The following KIF4A variants were observed in gnomAD, a reference collection of about 807,000 sequenced individuals.
The protein encoded by KIF4A is chromosome-associated kinesin KIF4A.
Under a neutral mutation model 105.9 loss-of-function variants are expected in KIF4A, and 7 were observed. The ratio of observed to expected loss-of-function variants is 0.07; its 90% CI spans 0.04 to 0.12. The LOEUF (loss-of-function observed/expected upper bound fraction) is 0.12. Among genes scored for constraint, KIF4A ranks in the 10% least tolerant of loss-of-function variants. KIF4A has a pLI of 1.00. For missense variants in KIF4A, 558 were observed against 929.2 expected, an observed-to-expected ratio of 0.60 and a Z score of 5.19; for synonymous variants, 281 against 331.3, an observed-to-expected ratio of 0.85 and a Z score of 1.65.
intron 15 of KIF4A, 109 bp from the exon 16 acceptor site, chrX:70,374,039 AGTT>A (rs2086165094): frequency 2.7e-6 from 1 of 376,368 alleles, no homozygotes; most frequent in Non-Finnish European, 4.6e-6. Context: ...TTCAGCGTGC[AGTT>A]GAAGTGGTAA....
chrX:70,332,514 G>A (rs757014600), intron 9 of KIF4A, among the ~76,000 whole-genome samples: 2 of 111,331 alleles, frequency 1.8e-5, no homozygotes, highest in Non-Finnish European at 3.8e-5. Flanking sequence ...GCGAGCGAAA[G>A]GAAATGGAGG....
At chrX:70,319,687 A>G (rs374639808) in intron 7 of KIF4A, among the ~76,000 whole-genome samples, 2 of 112,699 alleles carry the variant, frequency 1.8e-5, no homozygotes, top group East Asian at 5.5e-4. Flanking sequence ...ATTGAAGTAT[A>G]ATGTGGAAAT....
At chrX:70,334,641 A>T (rs1430817777) in intron 10 of KIF4A, among the ~76,000 whole-genome samples, 1 of 112,511 alleles carries the variant, frequency 8.9e-6, no homozygotes, top group Non-Finnish European at 1.9e-5. Flanking sequence ...AGAGTATCTA[A>T]GCAAGATAAT....
chrX:70,392,067 A>T (rs1463144960), intron 20 of KIF4A, among the ~76,000 whole-genome samples: 1 of 111,889 alleles, frequency 8.9e-6, no homozygotes, highest in Non-Finnish European at 1.9e-5. Flanking sequence ...GTAATACATA[A>T]AAAAACTTGT....
Position 70,317,354 on chromosome X carries a change from A to G in KIF4A, c.779-12051A>G, listed in dbSNP as rs768964128. Among the ~76,000 whole-genome samples the G allele has an allele frequency of 2.7e-5, 3 of 111,305 alleles. No homozygotes were observed. The South Asian group carries it at 1.1e-3, about 42-fold the overall frequency. On this transcript the variant is annotated intron_variant, in intron 7 of 30. Transcript: ENST00000374403. ...CTTTGGTGAGACATAGCATACATACAGAACATTGCATAAGTTATGTCATGT... is the reference window on the plus strand; with the variant it reads ...CTTTGGTGAGACATAGCATACATACGGAACATTGCATAAGTTATGTCATGT...
At chrX:70,343,595 A>G in intron 11 of KIF4A, 108 bp from the exon 12 acceptor site, 1 of 668,791 alleles carries the variant, frequency 1.5e-6, no homozygotes, top group Non-Finnish European at 2.3e-6. Flanking sequence ...CTGTTACAGC[A>G]AAGGAGACAG....
Position 70,329,415 on chromosome X carries a change from T to C in KIF4A, c.789T>C (p.Ile263=). ...ATTTCCTGCTATTAGGTATTAATAT[T>C]AACCGAGGCCTCCTATGCTTGGGAA... ...EGDRLKEGIN[I]NRGLLCLGNV... is the part of the protein sequence containing the mutation. Residue 263 remains isoleucine, a synonymous_variant, in exon 8 of 31, where the codon ATT becomes ATC. Coordinates refer to ENST00000374403, the MANE Select transcript of KIF4A (RefSeq NM_012310.5). 1 of 1,210,079 alleles carries C rather than the reference T, an allele frequency of 8.3e-7. No homozygotes were observed. Among genetic ancestry groups the C allele is most frequent in the Non-Finnish European group, 1.1e-6 (1 of 894,226 alleles).
intron 10 of KIF4A, among the ~76,000 whole-genome samples, chrX:70,340,619 G>A (rs1208623188): frequency 1.8e-5 from 2 of 111,604 alleles, no homozygotes; most frequent in East Asian, 5.6e-4. Context: ...TCCTTCATAA[G>A]AGTCTTAGTA....
At chrX:70,328,196 G>C (rs973062413) in intron 7 of KIF4A, among the ~76,000 whole-genome samples, 1 of 111,803 alleles carries the variant, frequency 8.9e-6, no homozygotes, top group South Asian at 3.8e-4. Flanking sequence ...GGGTAATTTA[G>C]AAACAATATA....
At chrX:70,369,295 G>C (rs1421292618) in intron 15 of KIF4A, among the ~76,000 whole-genome samples, 3 of 112,132 alleles carry the variant, frequency 2.7e-5, no homozygotes, top group African/African-American at 9.7e-5. Context: ...AGACGAACCT[G>C]GTACCTCAGT....
chrX:70,306,548 T>G (rs1261284949), intron 7 of KIF4A, among the ~76,000 whole-genome samples: 3 of 111,916 alleles, frequency 2.7e-5, no homozygotes, highest in Non-Finnish European at 5.6e-5. Context: ...TTATTTTATT[T>G]TATTTTTTGA....
At chrX:70,341,954 C>T (rs746410974) in intron 11 of KIF4A, 23 bp downstream of exon 11, 3 of 1,193,147 alleles carry the variant, frequency 2.5e-6, no homozygotes, top group East Asian at 6.0e-5. Context: ...GAATAAACTA[C>T]TAGCAATCTG....
chrX:70,347,924 G>A (rs575394446), intron 13 of KIF4A, among the ~76,000 whole-genome samples: 1 of 74,170 alleles, frequency 1.3e-5, no homozygotes, highest in Non-Finnish European at 2.4e-5. Flanking sequence ...GCAGTGAGCC[G>A]AGATCGCGCC....
intron 5 of KIF4A, 35 bp from the exon 6 acceptor site, chrX:70,301,865 A>G: frequency 8.4e-7 from 1 of 1,195,264 alleles, no homozygotes. Context: ...TTTGAAGTAT[A>G]AATCATAAGG....
intron 7 of KIF4A, among the ~76,000 whole-genome samples, chrX:70,310,144 A>G (rs911842140): frequency 8.9e-6 from 1 of 112,130 alleles, no homozygotes; most frequent in African/African-American, 3.2e-5. Flanking sequence ...TCTACCACCA[A>G]AAATATCATA....
chrX:70,354,955 T>C (rs1455092635), intron 15 of KIF4A, among the ~76,000 whole-genome samples: 1 of 111,532 alleles, frequency 9.0e-6, no homozygotes, highest in Non-Finnish European at 1.9e-5. Context: ...CTTCCTGGGG[T>C]TGGGAGGAGG....
chrX:70,369,799 T>G (rs1729941177), intron 15 of KIF4A, among the ~76,000 whole-genome samples: 1 of 111,805 alleles, frequency 8.9e-6, no homozygotes, highest in Non-Finnish European at 1.9e-5. Flanking sequence ...CACGTGTGTG[T>G]GTGTATATAC....
chrX:70,376,257 TG>T, intron 18 of KIF4A, 47 bp downstream of exon 18: 2 of 712,558 alleles, frequency 2.8e-6, no homozygotes, highest in South Asian at 5.1e-5. Context: ...AACCCTTCTC[TG>T]AGCTGACTAA....
intron 18 of KIF4A, among the ~76,000 whole-genome samples, chrX:70,378,973 G>A (rs1466959520): frequency 9.2e-6 from 1 of 108,596 alleles, no homozygotes; most frequent in Non-Finnish European, 1.9e-5. Flanking sequence ...TGGCTAACAC[G>A]GTGAAACCCC....
Sources: gnomAD v4.1 joint callset for allele counts (sites outside exome capture counted in the v4.1 genomes callset) on GRCh38, gnomAD v4.1.1 for gene constraint, MANE v1.5 for transcripts, NCBI Gene and HGNC (gene_info 2026-07-23, HGNC 2026-07-21) for gene names.